Variants in HGSNAT observed in about 807,000 individuals in gnomAD.
HGSNAT encodes transmembrane protein 76.
In HGSNAT, 59 loss-of-function variants were observed where a neutral mutation model predicts 85.2. That is an observed-to-expected ratio of 0.69 (90% CI 0.56 to 0.86). The LOEUF (loss-of-function observed/expected upper bound fraction) is 0.86, where lower values mean the gene tolerates loss of function less well. Ranked by LOEUF, HGSNAT falls within the 40% of genes least tolerant of loss-of-function variation. The pLI, the probability that HGSNAT is intolerant of heterozygous loss-of-function variation, is 0.00. For missense variants in HGSNAT, 756 were observed against 777.1 expected (o/e 0.97, Z 0.32); for synonymous variants, 321 against 304.5 (o/e 1.05, Z -0.56).
chr8:43,179,177 A>C (rs1187949993), intron 10 of HGSNAT, among the ~76,000 whole-genome samples: 19 of 148,998 alleles, frequency 1.3e-4, no homozygotes, highest in Admixed American at 1.2e-3. Context: ...CTCACTTCCC[A>C]GTAGGGGCGG....
At chr8:43,183,542 C>T (rs530153264) in intron 11 of HGSNAT, among the ~76,000 whole-genome samples, 1 of 151,586 alleles carries the variant, frequency 6.6e-6, no homozygotes, top group East Asian at 1.9e-4. Flanking sequence ...GCGATCTGGG[C>T]TCACTGCAAA....
chr8:43,183,024 G>A (rs1378413201), intron 11 of HGSNAT, among the ~76,000 whole-genome samples: 1 of 152,260 alleles, frequency 6.6e-6, no homozygotes, highest in East Asian at 1.9e-4. Flanking sequence ...ATGAGGCTCA[G>A]AGTAATATTT....
At chr8:43,177,314 G>A (rs1281594443) in intron 9 of HGSNAT, among the ~76,000 whole-genome samples, 1 of 151,948 alleles carries the variant, frequency 6.6e-6, no homozygotes, top group Non-Finnish European at 1.5e-5. Flanking sequence ...ACTTTTGGGA[G>A]GCCGAGGCGG....
chr8:43,140,800 T>C (rs901434699), intron 1 of HGSNAT, among the ~76,000 whole-genome samples, 186 bp downstream of exon 1: 4 of 151,740 alleles, frequency 2.6e-5, no homozygotes, highest in African/African-American at 9.7e-5. Flanking sequence ...TTCGGGGTGC[T>C]GCGGCCGGGC....
At chr8:43,147,112 T>G (rs955102077) in intron 2 of HGSNAT, 49 bp downstream of exon 2, 52 of 1,090,608 alleles carry the variant, frequency 4.8e-5, no homozygotes, top group Non-Finnish European at 7.1e-5. Flanking sequence ...GCTTGTTTGA[T>G]ATGATCCTTA....
rs371770607 is a variant in HGSNAT at position 43,192,288 on chromosome 8, C to G, written c.1251-16C>G. 3.8e-6 allele frequency: 6 copies of G among 1,599,122 alleles called. No homozygotes were observed. Among genetic ancestry groups the G allele is most frequent in the Non-Finnish European group, 5.1e-6 (6 of 1,173,346 alleles). The stretch of plus-strand genomic sequence containing the variant: ...TATGAGGTCTTGTCATTTACATATG[C>G]TTTTCACCTTCCTAGTGGTTATCTT... On this transcript the variant is annotated splice_polypyrimidine_tract_variant and intron_variant, in intron 12 of 17. Coordinates refer to ENST00000379644, the MANE Select transcript of HGSNAT (RefSeq NM_152419.3).
intron 14 of HGSNAT, chr8:43,194,187 C>T (rs35270980): frequency 0.03 from 24,886 of 820,666 alleles, 430 homozygotes; most frequent in Non-Finnish European, 0.033. Flanking sequence ...TGCTTGAGTC[C>T]GGGAGTTTGA....
chr8:43,193,950 G>C (rs1804626609), intron 14 of HGSNAT, 107 bp downstream of exon 14: 7 of 1,525,588 alleles, frequency 4.6e-6, no homozygotes, highest in Non-Finnish European at 6.2e-6. Context: ...TCTCTCTTGT[G>C]CTATGGGCCT....
chr8:43,173,603 G>T, intron 8 of HGSNAT, 110 bp from the exon 9 acceptor site: 4 of 1,184,282 alleles, frequency 3.4e-6, no homozygotes, highest in Non-Finnish European at 4.9e-6. Context: ...GAGTCACTGC[G>T]CCTCCCCTGG....
At chr8:43,186,580 A>T (rs192642568) in intron 11 of HGSNAT, among the ~76,000 whole-genome samples, 1 of 151,676 alleles carries the variant, frequency 6.6e-6, no homozygotes, top group Non-Finnish European at 1.5e-5. Flanking sequence ...TTGATCTTTT[A>T]AAAAAACCAG....
chr8:43,192,815 G>T (rs1361400463), intron 13 of HGSNAT, among the ~76,000 whole-genome samples: 1 of 152,086 alleles, frequency 6.6e-6, no homozygotes, highest in Admixed American at 6.5e-5. Flanking sequence ...TTGTGTAAAT[G>T]ATCATAGCAC....
At chr8:43,141,945 G>A (rs1563351213) in intron 1 of HGSNAT, among the ~76,000 whole-genome samples, 1 of 152,278 alleles carries the variant, frequency 6.6e-6, no homozygotes, top group East Asian at 1.9e-4. Context: ...GTAATCACAC[G>A]TAGTGAGGGG....
In HGSNAT at chr8:43,196,802, A is replaced by T. The variant is rs1804741824; in HGVS notation, c.1465-146A>T. The T allele has an allele frequency of 4.7e-6, 3 of 638,610 alleles. No individual in the cohort carries two copies. In the South Asian group the frequency reaches 5.6e-5, roughly 12 times the overall value. 39.6% of individuals were successfully genotyped at this position (638,610 alleles called of 1,614,324 possible). On this transcript the variant is annotated intron_variant, in intron 14 of 17. Transcript: ENST00000379644. ...TCTCCACTAGTCAAAGGCAGAGGTG[A>T]TGTTTCCCGCCTCCCTGTAATCCCA...
chr8:43,173,679 G>T, intron 8 of HGSNAT, 34 bp from the exon 9 acceptor site: 1 of 1,610,122 alleles, frequency 6.2e-7, no homozygotes, highest in Non-Finnish European at 8.5e-7. Flanking sequence ...GTATTCTAGA[G>T]TCCTTTTGCT....
At chr8:43,194,874 C>T (rs1319536487) in intron 14 of HGSNAT, among the ~76,000 whole-genome samples, 1 of 152,182 alleles carries the variant, frequency 6.6e-6, no homozygotes, top group Admixed American at 6.5e-5. Flanking sequence ...TGAAAACAGG[C>T]CTTCACCAGA....
At chr8:43,142,018 T>C (rs1802566933) in intron 1 of HGSNAT, among the ~76,000 whole-genome samples, 1 of 152,188 alleles carries the variant, frequency 6.6e-6, no homozygotes. Flanking sequence ...GCCGCACAGC[T>C]TTCCTACTAA....
chr8:43,199,373 G>C lies in HGSNAT; in HGVS notation c.1727-15G>C. ...CTGTGAGAAACATGATCTTCTGTAT[G>C]TCTCTCTCCTTAAGGAATGAATTCC... On this transcript the variant is annotated splice_polypyrimidine_tract_variant and intron_variant, in intron 17 of 17. Transcript: ENST00000379644. 6.5e-7 allele frequency: 1 copy of C among 1,548,356 alleles called. No homozygotes were observed. Among genetic ancestry groups the C allele is most frequent in the Non-Finnish European group, 8.8e-7 (1 of 1,133,236 alleles).
intron 11 of HGSNAT, among the ~76,000 whole-genome samples, chr8:43,189,575 G>A (rs1415524562): frequency 6.6e-6 from 1 of 152,156 alleles, no homozygotes; most frequent in African/African-American, 2.4e-5. Context: ...CCGACCTCTT[G>A]CACTTGGGGT....
intron 2 of HGSNAT, among the ~76,000 whole-genome samples, chr8:43,148,097 C>G (rs765158967): frequency 1.4e-4 from 22 of 151,916 alleles, no homozygotes; most frequent in Non-Finnish European, 2.8e-4. Flanking sequence ...ACAAAATTAC[C>G]GGGCATGGTG....
Sources: gnomAD v4.1 joint callset for allele counts (sites outside exome capture counted in the v4.1 genomes callset) on GRCh38, gnomAD v4.1.1 for gene constraint, MANE v1.5 for transcripts, NCBI Gene and HGNC (gene_info 2026-07-23, HGNC 2026-07-21) for gene names.